Variants in ANO6 observed in about 807,000 individuals in gnomAD.
The protein encoded by ANO6 is anoctamin 6.
A neutral mutation model predicts 117.5 loss-of-function variants in ANO6; 106 were observed. That is an observed-to-expected ratio of 0.90 (90% CI 0.77 to 1.06). The LOEUF (loss-of-function observed/expected upper bound fraction) is 1.06. ANO6 is among the 50% of genes least tolerant of loss of function. ANO6 has a pLI of 0.00. For synonymous variants in ANO6, 367 were observed against 385.1 expected (o/e 0.95, Z 0.55); for missense variants, 955 against 1,121.1 (o/e 0.85, Z 2.12).
At chr12:45,423,497 G>A (rs1032586648) in intron 19 of ANO6, among the ~76,000 whole-genome samples, 3 of 152,204 alleles carry the variant, frequency 2.0e-5, no homozygotes, top group African/African-American at 7.2e-5. Context: ...CCTATGCAGA[G>A]TGAGTTAACT....
Position 45,430,443 on chromosome 12 carries a change from T to C in ANO6, c.*1132T>C. On this transcript the variant is annotated 3_prime_UTR_variant, in exon 20 of 20. Coordinates refer to ENST00000320560, the MANE Select transcript of ANO6 (RefSeq NM_001025356.3). The stretch of plus-strand genomic sequence containing the variant: ...GGCTTATTTCTGTATGCCAAAGTGA[T>C]CAACACACCAAAGTCTCTGCCATAA... The C allele has an allele frequency of 1.0e-6, 1 of 985,348 alleles. No homozygotes were observed. Among genetic ancestry groups the C allele is most frequent in the Non-Finnish European group, 1.2e-6 (1 of 829,922 alleles). The allele number at this position is 985,348 out of a possible 1,614,324, so 61.0% of individuals were successfully genotyped here. A position where few individuals can be genotyped will look rare whatever the true frequency, so the allele number is the denominator to read the frequency against.
chr12:45,322,019 G>A (rs550240870), intron 2 of ANO6, among the ~76,000 whole-genome samples: 1 of 152,192 alleles, frequency 6.6e-6, no homozygotes, highest in African/African-American at 2.4e-5. Flanking sequence ...GTGCCAATGT[G>A]GGATTGTGCT....
At chr12:45,296,004 G>C (rs1338037464) in intron 1 of ANO6, among the ~76,000 whole-genome samples, 1 of 151,924 alleles carries the variant, frequency 6.6e-6, no homozygotes, top group African/African-American at 2.4e-5. Context: ...GGGACTACAG[G>C]CATGCACCAC....
chr12:45,433,436 C>T (rs1024213709), downstream of ANO6, among the ~76,000 whole-genome samples: 1 of 152,116 alleles, frequency 6.6e-6, no homozygotes, highest in Non-Finnish European at 1.5e-5. Context: ...AAACTCCTGC[C>T]CTTGGATCAT....
At chr12:45,317,953 A>G (rs1226833729) in intron 2 of ANO6, among the ~76,000 whole-genome samples, 1 of 152,088 alleles carries the variant, frequency 6.6e-6, no homozygotes, top group Non-Finnish European at 1.5e-5. Flanking sequence ...TCCTTTGCCC[A>G]CTTTTTGATG....
intron 1 of ANO6, among the ~76,000 whole-genome samples, chr12:45,245,754 A>T (rs1206847619): frequency 6.6e-6 from 1 of 152,138 alleles, no homozygotes; most frequent in East Asian, 1.9e-4. Context: ...TGGTGCTAGT[A>T]GCTGTTTATA....
intron 1 of ANO6, among the ~76,000 whole-genome samples, chr12:45,235,532 T>C (rs989116037): frequency 6.6e-6 from 1 of 152,148 alleles, no homozygotes; most frequent in African/African-American, 2.4e-5. Flanking sequence ...CAAAAGCAGC[T>C]TCTCAGGGCT....
chr12:45,383,179 A>AGTATGGAT, intron 10 of ANO6: 1 of 215,596 alleles, frequency 4.6e-6, no homozygotes, highest in Non-Finnish European at 9.3e-6. Context: ...ATCTCAAGAA[A>AGTATGGAT]CCACTTTCTT....
intron 12 of ANO6, among the ~76,000 whole-genome samples, chr12:45,398,918 C>T (rs79720420): frequency 0.031 from 4,667 of 152,212 alleles, 94 homozygotes; most frequent in African/African-American, 0.057. Context: ...AATCGGTCTT[C>T]AGTCGGTTTA....
At chr12:45,409,141 T>C (rs578253742) in intron 15 of ANO6, among the ~76,000 whole-genome samples, 1 of 152,184 alleles carries the variant, frequency 6.6e-6, no homozygotes, top group African/African-American at 2.4e-5. Context: ...GAGAAAAAAA[T>C]AGTAGCAGCT....
chr12:45,357,196 G>T, intron 7 of ANO6, 94 bp from the exon 8 acceptor site: 1 of 1,428,920 alleles, frequency 7.0e-7, no homozygotes, highest in African/African-American at 1.4e-5. Flanking sequence ...TAAGCTTAAA[G>T]CCTCTCCTTT....
intron 1 of ANO6, chr12:45,256,782 G>C (rs974166572): frequency 6.6e-6 from 1 of 152,166 alleles, no homozygotes; most frequent in African/African-American, 2.4e-5. Flanking sequence ...TTTATAAAAT[G>C]TATAAAATTA....
intron 10 of ANO6, among the ~76,000 whole-genome samples, chr12:45,383,910 C>T (rs74816091): frequency 0.019 from 2,955 of 152,246 alleles, 87 homozygotes; most frequent in African/African-American, 0.067. Context: ...GTGAGCCTGT[C>T]CTTAGAAGTT....
At chr12:45,371,749 C>T (rs1434769209) in intron 9 of ANO6, among the ~76,000 whole-genome samples, 1 of 152,194 alleles carries the variant, frequency 6.6e-6, no homozygotes, top group Non-Finnish European at 1.5e-5. Flanking sequence ...GATAAAACCA[C>T]AAAGATGGGG....
chr12:45,431,513 T>C lies in ANO6; in HGVS notation c.*2202T>C. 3 of 985,356 alleles carry C rather than the reference T, an allele frequency of 3.0e-6. No individual in the cohort carries two copies. Among genetic ancestry groups the C allele is most frequent in the Non-Finnish European group, 3.6e-6 (3 of 829,934 alleles). The allele number at this position is 985,356 out of a possible 1,614,324, so 61.0% of individuals were successfully genotyped here. ...GAGAAAATCCTCTTCATAGATTAAA[T>C]GTGCTGCTGTGGACAGGAGGGGAAA... On this transcript the variant is annotated 3_prime_UTR_variant, in exon 20 of 20. Transcript: ENST00000320560.
In ANO6 at chr12:45,403,913, A is replaced by G. The variant is rs117713376; in HGVS notation, c.1880+377A>G. ...CATATCCTTCTCCTCTCTTTCCTAT[A>G]TATTATGCATTTAAAAGTCAGTATG... On this transcript the variant is annotated intron_variant, in intron 15 of 19. Coordinates refer to ENST00000320560, the MANE Select transcript of ANO6 (RefSeq NM_001025356.3). 1.1e-3 allele frequency among the ~76,000 whole-genome samples: 170 copies of G among 152,204 alleles called. 1 individual carries two copies. Among genetic ancestry groups the G allele is most frequent in the Non-Finnish European group, 2.1e-3 (142 of 68,002 alleles).
intron 2 of ANO6, among the ~76,000 whole-genome samples, chr12:45,326,801 G>C (rs181537880): frequency 3.0e-4 from 45 of 152,306 alleles, no homozygotes; most frequent in African/African-American, 1.0e-3. Context: ...CTGTTCAAAT[G>C]GATACCAGGG....
intron 8 of ANO6, among the ~76,000 whole-genome samples, chr12:45,364,197 A>C (rs544219797): frequency 6.6e-6 from 1 of 152,180 alleles, no homozygotes. Flanking sequence ...GTGATGAATC[A>C]CTTTTCTCTT....
chr12:45,406,552 A>G (rs866933994), intron 15 of ANO6, among the ~76,000 whole-genome samples: 2 of 152,124 alleles, frequency 1.3e-5, no homozygotes, highest in Non-Finnish European at 2.9e-5. Context: ...ATATTGTAAC[A>G]TAAACGCCTC....
Sources: allele counts gnomAD v4.1 joint callset (sites outside exome capture counted in the v4.1 genomes callset), GRCh38; gene constraint gnomAD v4.1.1; transcripts MANE v1.5; gene names NCBI Gene and HGNC (gene_info 2026-07-23, HGNC 2026-07-21).